Variants in PRKCZ observed in about 807,000 individuals in gnomAD.
The protein encoded by PRKCZ is protein kinase C zeta.
A neutral mutation model predicts 79.5 loss-of-function variants in PRKCZ; 33 were observed. The ratio of observed to expected loss-of-function variants is 0.41; its 90% CI spans 0.31 to 0.55. PRKCZ has a LOEUF of 0.55. Ranked by LOEUF, PRKCZ falls within the 20% of genes least tolerant of loss-of-function variation. The probability of loss-of-function intolerance (pLI) is 0.19; values close to 1 mark genes in which losing one functional copy is unlikely to be tolerated. For synonymous variants in PRKCZ, 342 were observed against 320.9 expected (o/e 1.07, Z -0.70); for missense variants, 578 against 813.5 (o/e 0.71, Z 3.52).
At chr1:2,050,203 G>A (rs1659509123), upstream of PRKCZ, 1 of 151,636 alleles carries the variant, frequency 6.6e-6, no homozygotes, top group African/African-American at 2.4e-5. Flanking sequence ...CGGTCCCATT[G>A]GCGCAGGTGC....
intron 5 of PRKCZ, among the ~76,000 whole-genome samples, chr1:2,135,681 C>T (rs1676047898): frequency 2.0e-5 from 3 of 152,238 alleles, no homozygotes; most frequent in South Asian, 4.1e-4. Flanking sequence ...GCATTCCATC[C>T]GCATGTAGCG....
intron 4 of PRKCZ, chr1:2,133,523 G>C (rs1219650211): frequency 4.8e-5 from 3 of 62,812 alleles, no homozygotes; most frequent in Non-Finnish European, 9.1e-5. Context: ...CCCGCCCCTT[G>C]GTTCCACCCC....
chr1:2,095,487 T>G, intron 4 of PRKCZ, among the ~76,000 whole-genome samples: 1 of 151,922 alleles, frequency 6.6e-6, no homozygotes, highest in East Asian at 1.9e-4. Flanking sequence ...CCTGAAGAGG[T>G]AGCTGGGAGC....
Position 2,059,585 on chromosome 1 carries a change from G to T in PRKCZ, c.328G>T (p.Glu110Ter), listed in dbSNP as rs1270378011. 1 of 1,614,080 alleles carries T rather than the reference G, an allele frequency of 6.2e-7. No individual in the cohort carries two copies. The highest frequency in any genetic ancestry group is 8.5e-7 in the Non-Finnish European group (1 of 1,180,000). The change falls in exon 4 of 18, where the codon GAA becomes TAA. Residue 110 changes from glutamate (E) to a stop codon, truncating the protein, a stop_gained. Coordinates refer to ENST00000378567, the MANE Select transcript of PRKCZ (RefSeq NM_002744.6). LOFTEE classifies it high-confidence loss of function. The stretch of plus-strand genomic sequence containing the variant: ...GCAGCCTGGCCTGCCATGTCCGGGA[G>T]AAGACAGTGAGTACTGGGGTTTCCT... The part of the protein sequence containing the change: ...PEQPGLPCPG[E>*]DKSIYRRGAR...
Position 2,066,362 on chromosome 1 carries a change from C to G in PRKCZ, c.334+6771C>G, listed in dbSNP as rs78702392. On this transcript the variant is annotated intron_variant, in intron 4 of 17. Coordinates refer to ENST00000378567, the MANE Select transcript of PRKCZ (RefSeq NM_002744.6). ...TTGTTGGGAGGTTCTCTTTCTTTCTCTCTCTCTCTGTCTGTCTCTCTGATG... is the reference window on the plus strand; with the variant it reads ...TTGTTGGGAGGTTCTCTTTCTTTCTGTCTCTCTCTGTCTGTCTCTCTGATG... 3.0e-3 allele frequency among the ~76,000 whole-genome samples: 462 copies of G among 152,300 alleles called. 23 individuals are homozygous for G. The East Asian group carries it at 0.076, about 25-fold the overall frequency.
chr1:2,116,662 A>G (rs1670822102), intron 4 of PRKCZ, among the ~76,000 whole-genome samples: 1 of 151,962 alleles, frequency 6.6e-6, no homozygotes, highest in Admixed American at 6.6e-5. Context: ...CCCATGTCGT[A>G]CTGTTCTGAT....
chr1:2,074,348 C>G lies in PRKCZ; in HGVS notation c.334+14757C>G, dbSNP rs973058559. On this transcript the variant is annotated intron_variant, in intron 4 of 17. Transcript: ENST00000378567. Reference sequence around the variant, plus strand: ...TGGGGGCCGGGGGGCTTGGGGAAATCGTCTTGGGCTCGTCTGCCTGCCTGG... The same window carrying G: ...TGGGGGCCGGGGGGCTTGGGGAAATGGTCTTGGGCTCGTCTGCCTGCCTGG... The G allele has an allele frequency of 3.9e-6, 6 of 1,537,468 alleles. No homozygotes were observed. The African/African-American group carries it at 4.1e-5, about 11-fold the overall frequency.
At position 2,056,264 on chromosome 1, in the gene PRKCZ, C is replaced by T. The variant is rs537834109; in HGVS notation, c.194-220C>T. On this transcript the variant is annotated intron_variant, in intron 2 of 17. Transcript: ENST00000378567. ...GTGCCCAGGGCTGCAGGTGTACTGA[C>T]TTCCCTTCCGGGGTGGCTCTGACGC... 2.6e-5 allele frequency among the ~76,000 whole-genome samples: 4 copies of T among 152,338 alleles called. No homozygotes were observed. In the East Asian group the frequency reaches 7.7e-4, roughly 29 times the overall value.
At position 2,125,782 on chromosome 1, in the gene PRKCZ, G is replaced by A. The variant is rs906355982; in HGVS notation, c.335-9480G>A. Among the ~76,000 whole-genome samples the A allele has an allele frequency of 5.3e-5, 8 of 152,358 alleles. No homozygotes were observed. Among genetic ancestry groups the A allele is most frequent in the Admixed American group, 1.3e-4 (2 of 15,308 alleles). ...CAGGGTCCCTCCAGCAGTCCATGCC[G>A]CAGAGGCTGTCCCTTGGGGGCCCAC... On this transcript the variant is annotated intron_variant, in intron 4 of 17. Transcript: ENST00000378567. This position sits in a 1 kb window ranked among gnomAD's most constrained non-coding sequence, Gnocchi z 4.2.
intron 4 of PRKCZ, among the ~76,000 whole-genome samples, chr1:2,077,000 C>T (rs936276727): frequency 5.9e-5 from 9 of 152,196 alleles, no homozygotes; most frequent in African/African-American, 1.7e-4. Context: ...GTGATTCCAC[C>T]GTTGTGGGGC....
Position 2,156,083 on chromosome 1 carries a change from C to T in PRKCZ, c.965C>T (p.Thr322Met), listed in dbSNP as rs1680981080. The T allele has an allele frequency of 6.2e-7, 1 of 1,611,864 alleles. No homozygotes were observed. Among genetic ancestry groups the T allele is most frequent in the Non-Finnish European group, 8.5e-7 (1 of 1,178,182 alleles). ...GTCGGATTACACTCCTGCTTCCAGA[C>T]GACAAGTCGGTAAGAAAAAGAAGGG... ...FLVGLHSCFQTTSRLFLVIEY... is the reference protein window; with the variant it reads ...FLVGLHSCFQMTSRLFLVIEY... The change falls in exon 10 of 18, where the codon ACG (threonine) becomes ATG (methionine). Residue 322 changes from threonine (T) to methionine (M), a missense_variant. By Grantham distance (81) the Thr-to-Met change is moderately conservative. Around this residue, in one of 4 missense-constraint regions of PRKCZ, gnomAD observed 243 missense variants for 467.0 expected, o/e 0.52. Transcript: ENST00000378567.
chr1:2,163,045 G>A (rs1397940903), intron 10 of PRKCZ, among the ~76,000 whole-genome samples: 4 of 152,164 alleles, frequency 2.6e-5, no homozygotes, highest in Non-Finnish European at 4.4e-5. Flanking sequence ...CACCTCAGCC[G>A]CTGCAACCAG....
At chr1:2,104,934 C>A in intron 4 of PRKCZ, 1 of 985,244 alleles carries the variant, frequency 1.0e-6, no homozygotes, top group Non-Finnish European at 1.2e-6. Flanking sequence ...TTACACAGCA[C>A]CCAGGCCTTT....
intron 3 of PRKCZ, among the ~76,000 whole-genome samples, chr1:2,058,011 G>A (rs1660338340): frequency 6.6e-6 from 1 of 152,194 alleles, no homozygotes; most frequent in Admixed American, 6.5e-5. Context: ...GGGACTACAG[G>A]CATGTGTCAT....
At chr1:2,052,991 C>T (rs1659826776) in intron 1 of PRKCZ, among the ~76,000 whole-genome samples, 1 of 152,166 alleles carries the variant, frequency 6.6e-6, no homozygotes, top group South Asian at 2.1e-4. Context: ...CTGAGGGGTC[C>T]CCAGGCACCT....
At chr1:2,117,164 G>A (rs1052658716) in intron 4 of PRKCZ, among the ~76,000 whole-genome samples, 1 of 151,942 alleles carries the variant, frequency 6.6e-6, no homozygotes, top group African/African-American at 2.4e-5. Flanking sequence ...TGCCCAGGCT[G>A]GTCTTGAACT....
intron 4 of PRKCZ, among the ~76,000 whole-genome samples, chr1:2,126,769 G>A (rs568530126): frequency 6.2e-4 from 95 of 152,210 alleles, no homozygotes; most frequent in Non-Finnish European, 1.2e-3. Context: ...CCCCTCACCC[G>A]GGGTTGCCTT....
intron 4 of PRKCZ, among the ~76,000 whole-genome samples, chr1:2,079,926 C>T (rs1293524851): frequency 6.6e-6 from 1 of 152,222 alleles, no homozygotes; most frequent in Non-Finnish European, 1.5e-5. Context: ...AAGGAGTCTG[C>T]TGCCCCCGCA....
At chr1:2,074,608 C>A (rs1194061269) in intron 4 of PRKCZ, 1 of 464,706 alleles carries the variant, frequency 2.2e-6, no homozygotes, top group Non-Finnish European at 3.9e-6. Context: ...CGAGCCTGCC[C>A]TCCCGCCTGT....
Sources: allele counts gnomAD v4.1 joint callset (sites outside exome capture counted in the v4.1 genomes callset), GRCh38; gene constraint gnomAD v4.1.1; regional missense constraint gnomAD v4.1.1; non-coding constraint Gnocchi (gnomAD v3.1); transcripts MANE v1.5; gene names NCBI Gene and HGNC (gene_info 2026-07-23, HGNC 2026-07-21).